The following GALNTL6 variants were observed in gnomAD, a reference collection of about 807,000 sequenced individuals.
GALNTL6 encodes polypeptide N-acetylgalactosaminyltransferase-like 6.
A neutral mutation model predicts 73.7 loss-of-function variants in GALNTL6; 46 were observed. The observed-to-expected ratio is 0.62, with a 90% CI of 0.49 to 0.80. The LOEUF is 0.80. GALNTL6 is among the 30% of genes least tolerant of loss of function. GALNTL6 has a pLI of 0.00. For missense variants in GALNTL6, 604 were observed against 755.0 expected, an observed-to-expected ratio of 0.80 and a Z score of 2.34; for synonymous variants, 259 against 263.7, an observed-to-expected ratio of 0.98 and a Z score of 0.17.
chr4:172,692,082 A>G (rs1187804468), intron 5 of GALNTL6, among the ~76,000 whole-genome samples: 1 of 152,060 alleles, frequency 6.6e-6, no homozygotes, highest in Non-Finnish European at 1.5e-5. Context: ...AATTACTTGG[A>G]TTACTCAGAA....
In GALNTL6 at chr4:172,379,523, C is replaced by T. The variant is rs555484464; in HGVS notation, c.553+30834C>T. 5.7e-5 allele frequency among the ~76,000 whole-genome samples: 6 copies of T among 104,826 alleles called. No individual in the cohort carries two copies. In the East Asian group the frequency reaches 1.7e-3, roughly 29 times the overall value. 68.8% of individuals were successfully genotyped at this position (104,826 alleles called of 152,430 possible). ...CCGCAGTCCGGCCTGGGCGACAGAG[C>T]GAGACTCCGTCTCAAAAAAAAAAAA... On this transcript the variant is annotated intron_variant, in intron 5 of 12. Coordinates refer to ENST00000506823, the MANE Select transcript of GALNTL6 (RefSeq NM_001034845.3).
intron 4 of GALNTL6, among the ~76,000 whole-genome samples, chr4:172,317,680 G>A (rs941306760): frequency 2.0e-4 from 31 of 151,948 alleles, no homozygotes; most frequent in African/African-American, 3.6e-4. Context: ...AATGTGATCC[G>A]TTTTGACTCT....
chr4:172,691,668 G>A (rs1208534741), intron 5 of GALNTL6, among the ~76,000 whole-genome samples: 1 of 152,148 alleles, frequency 6.6e-6, no homozygotes, highest in African/African-American at 2.4e-5. Flanking sequence ...CAAGAACCCT[G>A]CCTCACTCCC....
intron 2 of GALNTL6, among the ~76,000 whole-genome samples, chr4:172,001,272 C>A (rs1740663703): frequency 6.6e-6 from 1 of 152,148 alleles, no homozygotes; most frequent in African/African-American, 2.4e-5. Flanking sequence ...TCAGTGTAAA[C>A]TGGAGGAAAG....
chr4:173,037,339 C>T (rs1436536105), intron 12 of GALNTL6, among the ~76,000 whole-genome samples: 2 of 152,200 alleles, frequency 1.3e-5, no homozygotes, highest in Non-Finnish European at 2.9e-5. Context: ...CCCCCCACCT[C>T]ATTTTACTGA....
At chr4:172,766,961 C>A (rs746854386) in intron 5 of GALNTL6, among the ~76,000 whole-genome samples, 43 of 152,168 alleles carry the variant, frequency 2.8e-4, no homozygotes, top group Non-Finnish European at 5.1e-4. Flanking sequence ...GCTGGTGGGG[C>A]ATTTGTATTC....
intron 3 of GALNTL6, among the ~76,000 whole-genome samples, chr4:172,267,034 C>T (rs139682303): frequency 1.8e-4 from 27 of 152,200 alleles, no homozygotes; most frequent in Admixed American, 1.2e-3. Flanking sequence ...TCAGTTGTCC[C>T]TTGGATGACA....
intron 2 of GALNTL6, among the ~76,000 whole-genome samples, chr4:172,192,641 A>G (rs1388438): frequency 0.039 from 5,892 of 152,198 alleles, 298 homozygotes; most frequent in Admixed American, 0.15. Context: ...CACCTAGGAA[A>G]CCATACTGTT....
intron 10 of GALNTL6, among the ~76,000 whole-genome samples, chr4:172,953,066 A>G (rs943670388): frequency 2.0e-5 from 3 of 152,232 alleles, no homozygotes; most frequent in Non-Finnish European, 4.4e-5. Flanking sequence ...ATGCATTTCC[A>G]TAATATACAG....
intron 3 of GALNTL6, among the ~76,000 whole-genome samples, chr4:172,283,088 A>G (rs1224400344): frequency 6.6e-6 from 1 of 152,090 alleles, no homozygotes; most frequent in Non-Finnish European, 1.5e-5. Context: ...ATGGACCATA[A>G]GTAGATAATC....
At chr4:171,870,063 T>C (rs1736093673) in intron 2 of GALNTL6, among the ~76,000 whole-genome samples, 1 of 152,182 alleles carries the variant, frequency 6.6e-6, no homozygotes, top group Admixed American at 6.5e-5. Context: ...ATATGTTTTA[T>C]TTACTTCATT....
At chr4:172,361,285 T>C (rs1277916701) in intron 5 of GALNTL6, among the ~76,000 whole-genome samples, 2 of 97,696 alleles carry the variant, frequency 2.0e-5, no homozygotes, top group East Asian at 2.9e-4. Context: ...ATGTGTCTTA[T>C]TATTATTGAG....
chr4:172,434,137 T>G (rs1731555007), intron 5 of GALNTL6, among the ~76,000 whole-genome samples: 1 of 152,150 alleles, frequency 6.6e-6, no homozygotes, highest in South Asian at 2.1e-4. Flanking sequence ...TCTTACATTC[T>G]TCCATATTAT....
intron 5 of GALNTL6, chr4:172,380,347 A>G: frequency 1.4e-6 from 1 of 707,400 alleles, no homozygotes; most frequent in East Asian, 2.9e-5. Context: ...TCCCTCCCTC[A>G]CAGTGGGAAT....
intron 2 of GALNTL6, among the ~76,000 whole-genome samples, chr4:172,103,445 A>G (rs1732579438): frequency 6.6e-6 from 1 of 152,174 alleles, no homozygotes; most frequent in Non-Finnish European, 1.5e-5. Context: ...GGAACTATAT[A>G]TATATTTTAT....
At chr4:172,081,484 A>G (rs1369565773) in intron 2 of GALNTL6, among the ~76,000 whole-genome samples, 2 of 152,166 alleles carry the variant, frequency 1.3e-5, no homozygotes, top group African/African-American at 2.4e-5. Flanking sequence ...CTAAAAATAC[A>G]AAAATTAGCT....
intron 2 of GALNTL6, among the ~76,000 whole-genome samples, chr4:171,936,040 T>C (rs1299996361): frequency 6.6e-6 from 1 of 152,192 alleles, no homozygotes; most frequent in East Asian, 1.9e-4. Flanking sequence ...TTCAGCATTA[T>C]TGAATAGAAA....
intron 5 of GALNTL6, among the ~76,000 whole-genome samples, chr4:172,752,806 A>C (rs1737504939): frequency 6.6e-6 from 1 of 152,178 alleles, no homozygotes; most frequent in Admixed American, 6.5e-5. Context: ...TCTATGAACT[A>C]TGAAATAAGA....
intron 2 of GALNTL6, among the ~76,000 whole-genome samples, chr4:171,852,562 T>C (rs2110863320): frequency 6.6e-6 from 1 of 151,764 alleles, no homozygotes; most frequent in Non-Finnish European, 1.5e-5. Flanking sequence ...TTCTTTATAT[T>C]TATTTATATA....
Sources: allele counts gnomAD v4.1 joint callset (sites outside exome capture counted in the v4.1 genomes callset), GRCh38; gene constraint gnomAD v4.1.1; transcripts MANE v1.5; gene names NCBI Gene and HGNC (gene_info 2026-07-23, HGNC 2026-07-21).